The following G3BP2 variants were observed in gnomAD, a reference collection of about 807,000 sequenced individuals.
G3BP2 encodes ras GTPase-activating protein-binding protein 2.
G3BP2 carries 11 observed loss-of-function variants against 56.7 expected under a neutral mutation model. That is an observed-to-expected ratio of 0.19 (90% CI 0.12 to 0.32). The LOEUF (loss-of-function observed/expected upper bound fraction) is 0.32. Ranked by LOEUF, G3BP2 falls within the 10% of genes least tolerant of loss-of-function variation. G3BP2 has a pLI of 1.00. For synonymous variants in G3BP2, 165 were observed against 191.6 expected, an observed-to-expected ratio of 0.86 and a Z score of 1.15; for missense variants, 340 against 610.9, an observed-to-expected ratio of 0.56 and a Z score of 4.67.
At chr4:75,674,711 TATATATA>T (rs200048633), upstream of G3BP2, among the ~76,000 whole-genome samples, 4 of 49,058 alleles carry the variant, frequency 8.2e-5, no homozygotes, top group African/African-American at 2.7e-4. Flanking sequence ...TATATATATA[TATATATA>T]TTTTTTTTTT....
intron 3 of G3BP2, among the ~76,000 whole-genome samples, chr4:75,692,975 G>A (rs368807526): frequency 6.6e-6 from 1 of 152,162 alleles, no homozygotes; most frequent in Non-Finnish European, 1.5e-5. Context: ...AGCCAGGCGC[G>A]GTGGCTCACT....
chr4:75,645,576 C>A lies in G3BP2; in HGVS notation c.1303G>T (p.Gly435Cys), dbSNP rs1049233709. The change falls in exon 12 of 12, where the codon GGT becomes TGT. Residue 435 changes from glycine (G) to cysteine (C), a missense_variant. Coordinates refer to ENST00000359707, the MANE Select transcript of G3BP2 (RefSeq NM_203505.3). ...CCACCCACAATTCCACGTGGACCAC[C>A]GGGACCTCGATCATTGCGCCTAATA... Reference protein sequence around the residue: ...RDIRRNDRGPGGPRGIVGGGM... With the variant: ...RDIRRNDRGPCGPRGIVGGGM... 1 of 1,614,074 alleles carries A rather than the reference C, an allele frequency of 6.2e-7. No individual in the cohort carries two copies. The highest frequency in any genetic ancestry group is 8.5e-7 in the Non-Finnish European group (1 of 1,180,012).
chr4:75,719,112 G>A (rs1720042190), intron 3 of G3BP2, among the ~76,000 whole-genome samples: 1 of 152,028 alleles, frequency 6.6e-6, no homozygotes, highest in Non-Finnish European at 1.5e-5. Flanking sequence ...ACTTTGGGAG[G>A]CCGAGGCGGG....
At chr4:75,692,471 C>G (rs972449756) in intron 3 of G3BP2, among the ~76,000 whole-genome samples, 2 of 152,078 alleles carry the variant, frequency 1.3e-5, no homozygotes, top group African/African-American at 4.8e-5. Context: ...GCCACCACAC[C>G]CAGCTAATTT....
chr4:75,654,337 G>T (rs1731922384), intron 7 of G3BP2, among the ~76,000 whole-genome samples: 1 of 152,214 alleles, frequency 6.6e-6, no homozygotes, highest in Admixed American at 6.5e-5. Context: ...CTAAGTAGAT[G>T]AGCAAGTGGC....
intron 3 of G3BP2, among the ~76,000 whole-genome samples, chr4:75,715,721 C>A (rs1386237246): frequency 6.6e-6 from 1 of 152,200 alleles, no homozygotes; most frequent in Admixed American, 6.5e-5. Flanking sequence ...CTAATCAACC[C>A]ATCAGCCATG....
intron 3 of G3BP2, among the ~76,000 whole-genome samples, chr4:75,682,703 T>C (rs923499640): frequency 6.6e-6 from 1 of 151,864 alleles, no homozygotes; most frequent in Non-Finnish European, 1.5e-5. Context: ...GCAGCTGGGC[T>C]GGGCACGGTT....
intron 1 of G3BP2, among the ~76,000 whole-genome samples, chr4:75,665,512 G>C (rs1424545540): frequency 6.6e-6 from 1 of 152,024 alleles, no homozygotes; most frequent in African/African-American, 2.4e-5. Flanking sequence ...TTGGGACGTC[G>C]AAGTGGGCAG....
At chr4:75,720,916 A>G (rs1388667481) in exon 3 of G3BP2, among the ~76,000 whole-genome samples, 1 of 145,618 alleles carries the variant, frequency 6.9e-6, no homozygotes, top group East Asian at 2.0e-4. Context: ...GCAGGAGAAT[A>G]GCTTGAGGCC....
At chr4:75,700,719 G>A (rs1185642665) in intron 3 of G3BP2, among the ~76,000 whole-genome samples, 1 of 148,204 alleles carries the variant, frequency 6.7e-6, no homozygotes, top group Non-Finnish European at 1.5e-5. Context: ...GCGCCCAGCT[G>A]AGACCATTTC....
upstream of G3BP2, chr4:75,673,469 G>A (rs577149652): frequency 4.4e-5 from 54 of 1,232,222 alleles, no homozygotes; most frequent in Non-Finnish European, 3.5e-5. Flanking sequence ...AAAGGGCCAG[G>A]GAACCCCCGA....
At chr4:75,647,556 G>A (rs937932088) in intron 9 of G3BP2, among the ~76,000 whole-genome samples, 2 of 152,134 alleles carry the variant, frequency 1.3e-5, no homozygotes, top group African/African-American at 4.8e-5. Context: ...TGACATTACA[G>A]CAATCAGTAA....
chr4:75,688,327 G>A (rs1227186817), intron 3 of G3BP2, among the ~76,000 whole-genome samples: 5 of 152,192 alleles, frequency 3.3e-5, no homozygotes, highest in Admixed American at 6.5e-5. Flanking sequence ...ACAGGCGTAA[G>A]CCACCACACC....
chr4:75,679,969 C>A (rs987074654), intron 3 of G3BP2, among the ~76,000 whole-genome samples: 1 of 152,208 alleles, frequency 6.6e-6, no homozygotes, highest in East Asian at 1.9e-4. Context: ...AAATATTTCA[C>A]CAGTGTTTAT....
At chr4:75,674,912 G>T (rs1254484896), upstream of G3BP2, among the ~76,000 whole-genome samples, 1 of 151,358 alleles carries the variant, frequency 6.6e-6, no homozygotes, top group African/African-American at 2.4e-5. Flanking sequence ...TAGTAGAGAC[G>T]AGGTTTCACT....
At chr4:75,696,168 A>T (rs1423766755) in intron 3 of G3BP2, among the ~76,000 whole-genome samples, 1 of 152,108 alleles carries the variant, frequency 6.6e-6, no homozygotes, top group African/African-American at 2.4e-5. Flanking sequence ...GATTTTTCAG[A>T]GAAAGGGGTG....
intron 3 of G3BP2, chr4:75,694,842 G>A (rs1308807616): frequency 2.0e-6 from 2 of 985,464 alleles, no homozygotes; most frequent in East Asian, 1.1e-4. Context: ...GACAGGATGG[G>A]CTAAAGACTG....
chr4:75,695,136 T>A (rs1577882354), intron 3 of G3BP2, among the ~76,000 whole-genome samples: 1 of 152,038 alleles, frequency 6.6e-6, no homozygotes, highest in African/African-American at 2.4e-5. Context: ...CTAATCAACA[T>A]TTCAGGGCCT....
At chr4:75,663,347 C>CCAGGCTCAGGCTCAGGCT (rs11272984) in intron 1 of G3BP2, among the ~76,000 whole-genome samples, 1 of 151,472 alleles carries the variant, frequency 6.6e-6, no homozygotes. Context: ...GCCTCAACTG[C>CCAGGCTCAGGCTCAGGCT]CAGGCTCAGG....
Sources: allele counts gnomAD v4.1 joint callset (sites outside exome capture counted in the v4.1 genomes callset), GRCh38; gene constraint gnomAD v4.1.1; transcripts MANE v1.5; gene names NCBI Gene and HGNC (gene_info 2026-07-23, HGNC 2026-07-21).